The following FAM135B variants were observed in gnomAD, a reference collection of about 807,000 sequenced individuals.
FAM135B encodes family with sequence similarity 135 member B, also known as protein FAM135B.
In FAM135B, 43 loss-of-function variants were observed where a neutral mutation model predicts 127.7. That is an observed-to-expected ratio of 0.34 (90% CI 0.26 to 0.43). FAM135B has a LOEUF of 0.43. Among genes scored for constraint, FAM135B ranks in the 20% least tolerant of loss-of-function variants. The probability of loss-of-function intolerance (pLI) is 1.00; values close to 1 mark genes in which losing one functional copy is unlikely to be tolerated. For synonymous variants in FAM135B, 670 were observed against 665.1 expected (o/e 1.01, Z -0.11); for missense variants, 1,558 against 1,725.6 (o/e 0.90, Z 1.72).
At chr8:138,235,871 A>G (rs1820234614) in intron 7 of FAM135B, among the ~76,000 whole-genome samples, 1 of 152,180 alleles carries the variant, frequency 6.6e-6, no homozygotes. Flanking sequence ...TTTCTCAATG[A>G]CATGCACTCC....
intron 3 of FAM135B, among the ~76,000 whole-genome samples, chr8:138,295,432 G>C (rs1586992732): frequency 6.6e-6 from 1 of 152,238 alleles, no homozygotes; most frequent in East Asian, 1.9e-4. Flanking sequence ...GTTGGGAAGA[G>C]AGAGGAATAA....
At chr8:138,185,565 A>T (rs892331981) in intron 9 of FAM135B, among the ~76,000 whole-genome samples, 2 of 152,198 alleles carry the variant, frequency 1.3e-5, no homozygotes, top group African/African-American at 4.8e-5. Context: ...CAAAACCAAC[A>T]AAACAGGCTG....
Position 138,168,028 on chromosome 8 carries a change from C to G in FAM135B, c.1125G>C (p.Leu375=), listed in dbSNP as rs201150785. ...ACTCCGAGTTCCGGATATCCAGGGA[C>G]AGCTGGCTGTGCGTCTGTATCCTGG... The part of the protein sequence containing the change: ...QENLIQTHSQ[L]SLDIRNSEYL... The change falls in exon 12 of 20, where the codon CTG becomes CTC. Residue 375 remains leucine (L), a synonymous_variant. Transcript: ENST00000395297. 91 of 1,613,444 alleles carry G rather than the reference C, an allele frequency of 5.6e-5. No homozygotes were observed. Among genetic ancestry groups the G allele is most frequent in the East Asian group, 4.5e-5 (2 of 44,844 alleles).
intron 1 of FAM135B, among the ~76,000 whole-genome samples, chr8:138,413,621 TA>T (rs1248323574): frequency 6.6e-6 from 1 of 152,176 alleles, no homozygotes; most frequent in Non-Finnish European, 1.5e-5. Context: ...ATAAATCCAA[TA>T]AAGCAAGAAG....
chr8:138,217,670 A>T lies in FAM135B; in HGVS notation c.670-20001T>A, dbSNP rs538188057. Among the ~76,000 whole-genome samples, 220 of 152,030 alleles carry T rather than the reference A, an allele frequency of 1.4e-3. 2 individuals carry two copies. Among genetic ancestry groups the T allele is most frequent in the Non-Finnish European group, 2.8e-3 (187 of 67,980 alleles). On this transcript the variant is annotated intron_variant, in intron 7 of 19. Transcript: ENST00000395297. ...ATGGTCTCAATCTCCTGACCTTGTG[A>T]TCCGCTCGCCTCAGCTTACCAAAGT... is the stretch of plus-strand genomic sequence containing the variant.
intron 12 of FAM135B, among the ~76,000 whole-genome samples, chr8:138,158,510 C>T (rs961576991): frequency 1.3e-5 from 2 of 152,166 alleles, no homozygotes; most frequent in African/African-American, 4.8e-5. Flanking sequence ...AGGCAACCTA[C>T]AGAATGGGAG....
intron 7 of FAM135B, among the ~76,000 whole-genome samples, chr8:138,201,396 AAAT>A (rs1338978935): frequency 6.6e-6 from 1 of 152,212 alleles, no homozygotes. Flanking sequence ...ATGATTATTG[AAAT>A]AATAATAAGT....
Position 138,328,508 on chromosome 8 carries a change from G to A in FAM135B, c.78-17588C>T, listed in dbSNP as rs73720104. On this transcript the variant is annotated intron_variant, in intron 2 of 19. Transcript: ENST00000395297. The stretch of plus-strand genomic sequence containing the variant: ...GTGGAGGAACAGCTTGGGGAAATGC[G>A]GGAGGGCAAGTCCTAGAGAGCATTG... Among the ~76,000 whole-genome samples the A allele has an allele frequency of 2.4e-3, 359 of 152,252 alleles. 2 individuals are homozygous for A. The highest frequency in any genetic ancestry group is 8.3e-3 in the African/African-American group (345 of 41,552).
At chr8:138,203,556 G>C (rs2129647639) in intron 7 of FAM135B, among the ~76,000 whole-genome samples, 1 of 152,232 alleles carries the variant, frequency 6.6e-6, no homozygotes, top group South Asian at 2.1e-4. Context: ...GCTCCTGTCT[G>C]TGCAAGTGGG....
intron 12 of FAM135B, among the ~76,000 whole-genome samples, chr8:138,162,316 C>T (rs978110726): frequency 6.6e-6 from 1 of 152,148 alleles, no homozygotes; most frequent in African/African-American, 2.4e-5. Flanking sequence ...AGGCTAAGCA[C>T]AGAGGATTTT....
Position 138,410,823 on chromosome 8 carries a change from T to C in FAM135B, c.-19-42821A>G, listed in dbSNP as rs1031549519. Among the ~76,000 whole-genome samples, 4 of 152,108 alleles carry C rather than the reference T, an allele frequency of 2.6e-5. No individual in the cohort carries two copies. The East Asian group carries it at 5.8e-4, about 22-fold the overall frequency. ...AAAATAAATCATTTTACCAAAAACA[T>C]ACGTGTACTTATACGCCAACAACAG... is the stretch of plus-strand genomic sequence containing the variant. On this transcript the variant is annotated intron_variant, in intron 1 of 19. Transcript: ENST00000395297.
At chr8:138,447,329 C>G in intron 1 of FAM135B, among the ~76,000 whole-genome samples, 1 of 151,990 alleles carries the variant, frequency 6.6e-6, no homozygotes, top group Non-Finnish European at 1.5e-5. Context: ...GATTATAAAT[C>G]ATGCTGCTAT....
chr8:138,221,634 G>GT (rs1316144557), intron 7 of FAM135B, among the ~76,000 whole-genome samples: 1 of 152,146 alleles, frequency 6.6e-6, no homozygotes, highest in Non-Finnish European at 1.5e-5. Flanking sequence ...ATTAACTGAC[G>GT]TATCAGAATG....
At chr8:138,316,310 T>TCCTGGCTAACAA (rs1382600064) in intron 2 of FAM135B, among the ~76,000 whole-genome samples, 1 of 151,754 alleles carries the variant, frequency 6.6e-6, no homozygotes, top group Non-Finnish European at 1.5e-5. Context: ...ATCGAGACCA[T>TCCTGGCTAACAA]GGTGAAACCC....
At chr8:138,453,740 C>A (rs1836624461) in intron 1 of FAM135B, among the ~76,000 whole-genome samples, 1 of 152,098 alleles carries the variant, frequency 6.6e-6, no homozygotes, top group African/African-American at 2.4e-5. Context: ...GGTCTTGGAG[C>A]CAGGCTGCCT....
At chr8:138,374,137 A>T (rs1831318937) in intron 1 of FAM135B, among the ~76,000 whole-genome samples, 1 of 152,114 alleles carries the variant, frequency 6.6e-6, no homozygotes, top group African/African-American at 2.4e-5. Context: ...TTGACATGTG[A>T]TGTCTCCCTC....
intron 2 of FAM135B, among the ~76,000 whole-genome samples, chr8:138,346,901 C>T (rs62529447): frequency 0.025 from 3,869 of 152,212 alleles, 63 homozygotes; most frequent in Middle Eastern, 0.051. Context: ...AAGCACTCAC[C>T]AATGTCCATT....
At chr8:138,404,898 A>C (rs1833367404) in intron 1 of FAM135B, among the ~76,000 whole-genome samples, 1 of 152,160 alleles carries the variant, frequency 6.6e-6, no homozygotes, top group South Asian at 2.1e-4. Flanking sequence ...CTTCGTCCAA[A>C]GTTCTGTTAA....
At chr8:138,182,751 C>A (rs1815184604) in intron 9 of FAM135B, among the ~76,000 whole-genome samples, 1 of 152,300 alleles carries the variant, frequency 6.6e-6, no homozygotes, top group South Asian at 2.1e-4. Flanking sequence ...TCAAGAGAAG[C>A]CTGCTTTACA....
Sources: allele counts gnomAD v4.1 joint callset (sites outside exome capture counted in the v4.1 genomes callset), GRCh38; gene constraint gnomAD v4.1.1; transcripts MANE v1.5; gene names NCBI Gene and HGNC (gene_info 2026-07-23, HGNC 2026-07-21).